FOXP2: variants seen among roughly 807,000 people sequenced by gnomAD.
FOXP2 encodes forkhead box protein P2.
FOXP2 carries 12 observed loss-of-function variants against 115.8 expected under a neutral mutation model. That is an observed-to-expected ratio of 0.10 (90% confidence interval 0.07 to 0.17). FOXP2 has a LOEUF of 0.17. FOXP2 is among the 10% of genes least tolerant of loss of function. FOXP2 has a pLI of 1.00. For missense variants in FOXP2, 629 were observed against 843.5 expected (o/e 0.75, Z 3.15); for synonymous variants, 328 against 297.7 (o/e 1.10, Z -1.05).
At chr7:114,532,600 G>A (rs1211062582) in intron 2 of FOXP2, among the ~76,000 whole-genome samples, 2 of 151,818 alleles carry the variant, frequency 1.3e-5, no homozygotes, top group Non-Finnish European at 2.9e-5. Flanking sequence ...GAATAAGGAG[G>A]TCAGATTAGA....
At chr7:114,101,332 A>G (rs757707469) in intron 1 of FOXP2, among the ~76,000 whole-genome samples, 2 of 152,196 alleles carry the variant, frequency 1.3e-5, no homozygotes, top group Non-Finnish European at 2.9e-5. Context: ...GGAGAGACCC[A>G]TGAAAATTTG....
chr7:114,432,782 T>C (rs1314763958), intron 2 of FOXP2, among the ~76,000 whole-genome samples: 1 of 151,920 alleles, frequency 6.6e-6, no homozygotes, highest in African/African-American at 2.4e-5. Context: ...GCCTGACATA[T>C]AGAGTTGTCG....
intron 5 of FOXP2, chr7:114,631,136 T>G (rs1804891585): frequency 3.7e-6 from 1 of 267,712 alleles, no homozygotes; most frequent in South Asian, 4.4e-5. Context: ...TTCATGGACC[T>G]CTGCAGATCA....
intron 1 of FOXP2, among the ~76,000 whole-genome samples, chr7:114,258,211 A>G (rs1162297703): frequency 6.6e-6 from 1 of 152,160 alleles, no homozygotes; most frequent in Non-Finnish European, 1.5e-5. Flanking sequence ...TGGTGCAGGT[A>G]ATGGCAGATG....
intron 2 of FOXP2, among the ~76,000 whole-genome samples, chr7:114,480,581 A>C (rs561780371): frequency 6.7e-6 from 1 of 150,342 alleles, no homozygotes; most frequent in Non-Finnish European, 1.5e-5. Flanking sequence ...AAATATATGT[A>C]TATATACATA....
chr7:114,570,989 G>C, intron 3 of FOXP2: 1 of 920,908 alleles, frequency 1.1e-6, no homozygotes. Context: ...CCTTCCATTG[G>C]TGCAGATAAT....
intron 3 of FOXP2, among the ~76,000 whole-genome samples, chr7:114,615,173 C>T (rs557597410): frequency 2.6e-5 from 4 of 152,024 alleles, no homozygotes; most frequent in Admixed American, 6.6e-5. Context: ...GAGCCGAGAT[C>T]GTGCCACTGC....
chr7:114,385,385 A>G (rs1792420539), intron 2 of FOXP2, among the ~76,000 whole-genome samples: 1 of 152,198 alleles, frequency 6.6e-6, no homozygotes, highest in Admixed American at 6.5e-5. Context: ...CCCCAGAGGT[A>G]TACTTCAGAA....
Position 114,691,845 on chromosome 7 carries a change from T to TATCACACC in FOXP2, c.*1921_*1928dup, listed in dbSNP as rs777733538. On this transcript the variant is annotated 3_prime_UTR_variant, in exon 17 of 17. Transcript: ENST00000350908. ...AGAGTTAGAGAGATACCCAGTCATC[T>TATCACACC]ATCACACCAAATAAAAGGACATAAC... The TATCACACC allele has an allele frequency of 2.2e-6, 1 of 452,244 alleles. No homozygotes were observed. Among genetic ancestry groups the TATCACACC allele is most frequent in the African/African-American group, 2.0e-5 (1 of 49,584 alleles). The allele number at this position is 452,244 out of a possible 1,614,324, so 28.0% of individuals were successfully genotyped here.
At chr7:114,399,313 G>A (rs1301651604) in intron 2 of FOXP2, among the ~76,000 whole-genome samples, 2 of 151,794 alleles carry the variant, frequency 1.3e-5, no homozygotes, top group Non-Finnish European at 2.9e-5. Flanking sequence ...TCACCATGTT[G>A]GCCAGGCTGG....
chr7:114,502,451 G>T (rs891569506), intron 2 of FOXP2, among the ~76,000 whole-genome samples: 8 of 152,038 alleles, frequency 5.3e-5, no homozygotes, highest in African/African-American at 1.7e-4. Context: ...ATATAACAAA[G>T]ATTCTGTTGT....
chr7:114,655,197 TG>T (rs1806513232), intron 10 of FOXP2, among the ~76,000 whole-genome samples: 1 of 152,188 alleles, frequency 6.6e-6, no homozygotes, highest in Non-Finnish European at 1.5e-5. Context: ...TTTCCCTCAT[TG>T]CTTCTATAGT....
At chr7:114,219,052 T>G (rs1794554952) in intron 1 of FOXP2, among the ~76,000 whole-genome samples, 1 of 152,290 alleles carries the variant, frequency 6.6e-6, no homozygotes, top group South Asian at 2.1e-4. Flanking sequence ...AACTTAATAT[T>G]CAGCATTGCA....
chr7:114,319,679 C>G (rs1797364548), intron 2 of FOXP2, among the ~76,000 whole-genome samples: 1 of 152,148 alleles, frequency 6.6e-6, no homozygotes, highest in Non-Finnish European at 1.5e-5. Flanking sequence ...GTCCCTCCCA[C>G]AACACATGGG....
chr7:114,407,298 G>T (rs1793058084), intron 2 of FOXP2, among the ~76,000 whole-genome samples: 1 of 151,892 alleles, frequency 6.6e-6, no homozygotes, highest in African/African-American at 2.4e-5. Context: ...AATTTAGATT[G>T]CTTCACTAAT....
At chr7:114,110,246 C>A (rs1189007982) in intron 1 of FOXP2, among the ~76,000 whole-genome samples, 1 of 152,148 alleles carries the variant, frequency 6.6e-6, no homozygotes, top group Non-Finnish European at 1.5e-5. Flanking sequence ...CTTATGCACA[C>A]ACCTTTTTCC....
intron 1 of FOXP2, among the ~76,000 whole-genome samples, chr7:114,268,963 T>C (rs1264900069): frequency 6.6e-6 from 1 of 152,214 alleles, no homozygotes; most frequent in Admixed American, 6.5e-5. Flanking sequence ...TAGTCCAGTA[T>C]GTTTACTGTA....
intron 2 of FOXP2, among the ~76,000 whole-genome samples, chr7:114,380,928 G>GT (rs1355216416): frequency 2.0e-5 from 3 of 152,194 alleles, no homozygotes; most frequent in Non-Finnish European, 2.9e-5. Context: ...AGCTATTCCT[G>GT]TTTTTTCTGT....
At chr7:114,559,905 C>T (rs1335572097) in intron 3 of FOXP2, among the ~76,000 whole-genome samples, 1 of 130,914 alleles carries the variant, frequency 7.6e-6, no homozygotes, top group Admixed American at 7.6e-5. Flanking sequence ...AAAAAAAAAT[C>T]TCATTTTAAA....
Sources: gnomAD v4.1 joint callset for allele counts (sites outside exome capture counted in the v4.1 genomes callset) on GRCh38, gnomAD v4.1.1 for gene constraint, MANE v1.5 for transcripts, NCBI Gene and HGNC (gene_info 2026-07-23, HGNC 2026-07-21) for gene names.